Variants in PRELID3B observed in about 807,000 individuals in gnomAD.
PRELID3B encodes the protein PRELI domain containing protein 3B.
In PRELID3B, 15 loss-of-function variants were observed where a neutral mutation model predicts 24.0. The observed-to-expected ratio is 0.63, with a 90% CI of 0.42 to 0.96. The LOEUF (loss-of-function observed/expected upper bound fraction) is 0.96, where lower values mean the gene tolerates loss of function less well. Among genes scored for constraint, PRELID3B ranks in the 40% least tolerant of loss-of-function variants. PRELID3B has a pLI of 0.00. For synonymous variants in PRELID3B, 62 were observed against 76.0 expected, an observed-to-expected ratio of 0.82 and a Z score of 0.96; for missense variants, 189 against 236.0, an observed-to-expected ratio of 0.80 and a Z score of 1.30.
chr20:59,033,937 C>T lies in PRELID3B; in HGVS notation c.*1070G>A, dbSNP rs761389562. 17 of 152,282 alleles carry T rather than the reference C, an allele frequency of 1.1e-4. No homozygotes were observed. Among genetic ancestry groups the T allele is most frequent in the Non-Finnish European group, 1.9e-4 (13 of 68,014 alleles). 9.4% of individuals were successfully genotyped at this position (152,282 alleles called of 1,614,324 possible). On this transcript the variant is annotated 3_prime_UTR_variant, in exon 6 of 6. Coordinates refer to ENST00000355937, the MANE Select transcript of PRELID3B (RefSeq NM_016045.3). Reference sequence around the variant, plus strand: ...AATTCACTCAGTGGTTAGTTTCAGGCCAAGCCTCCCCCTACCATTATGCTT... The same window carrying T: ...AATTCACTCAGTGGTTAGTTTCAGGTCAAGCCTCCCCCTACCATTATGCTT...
chr20:59,038,330 T>A, intron 2 of PRELID3B, 136 bp downstream of exon 2: 1 of 645,282 alleles, frequency 1.5e-6, no homozygotes, highest in Non-Finnish European at 2.5e-6. Context: ...ATAATTCAAG[T>A]TTATTATAAT....
In PRELID3B at chr20:59,040,296, C is replaced by T. The variant is rs2092101828; in HGVS notation, c.33-1662G>A. Among the ~76,000 whole-genome samples, 1 of 152,174 alleles carries T rather than the reference C, an allele frequency of 6.6e-6. No individual in the cohort carries two copies. The highest frequency in any genetic ancestry group is 1.5e-5 in the Non-Finnish European group (1 of 68,032). On this transcript the variant is annotated intron_variant, in intron 1 of 5. Coordinates refer to ENST00000355937, the MANE Select transcript of PRELID3B (RefSeq NM_016045.3). This position sits in a 1 kb window ranked among gnomAD's most constrained non-coding sequence, Gnocchi z 4.1. ...CAGCAATTAATCTGAGCTGTATTAA[C>T]ATAATTACGTGGAAAAGATCTCACA... is the stretch of plus-strand genomic sequence containing the variant.
Position 59,034,875 on chromosome 20 carries a change from C to G in PRELID3B, c.*132G>C, listed in dbSNP as rs2092058817. ...ATCTGTTTTGATCAAGTCACATAGCCTTACACCAACTTATCAAAAAAAAAA... is the reference window on the plus strand; with the variant it reads ...ATCTGTTTTGATCAAGTCACATAGCGTTACACCAACTTATCAAAAAAAAAA... On this transcript the variant is annotated 3_prime_UTR_variant, in exon 6 of 6. Transcript: ENST00000355937. The G allele has an allele frequency of 3.9e-6, 3 of 769,194 alleles. No homozygotes were observed. The South Asian group carries it at 9.6e-5, about 25-fold the overall frequency. The allele number at this position is 769,194 out of a possible 1,614,324, so 47.6% of individuals were successfully genotyped here. A position where few individuals can be genotyped will look rare whatever the true frequency, so the allele number is the denominator to read the frequency against.
rs2092071755 is a variant in PRELID3B, at chr20:59,036,327, T to C, written c.465+144A>G. 11 of 631,324 alleles carry C rather than the reference T, an allele frequency of 1.7e-5. No individual in the cohort carries two copies. In the Admixed American group the frequency reaches 2.6e-4, roughly 15 times the overall value. The allele number at this position is 631,324 out of a possible 1,614,324, so 39.1% of individuals were successfully genotyped here. A position where few individuals can be genotyped will look rare whatever the true frequency, so the allele number is the denominator to read the frequency against. On this transcript the variant is annotated intron_variant, in intron 5 of 5. Coordinates refer to ENST00000355937, the MANE Select transcript of PRELID3B (RefSeq NM_016045.3). ...GAGCTTGGATGTGAACCCAGAGCCT[T>C]TGTAAGTAACTGCCCAACGTGCTGC...
In PRELID3B at chr20:59,035,632, G is replaced by A. The variant is rs562279081; in HGVS notation, c.466-506C>T. 4.6e-5 allele frequency among the ~76,000 whole-genome samples: 7 copies of A among 152,080 alleles called. No homozygotes were observed. The East Asian group carries it at 7.7e-4, about 17-fold the overall frequency. Reference sequence around the variant, plus strand: ...GAACACTCTTCTTGGAATACCCCTCGCAATCCACCTGCCCCCATTTGGCAG... The same window carrying A: ...GAACACTCTTCTTGGAATACCCCTCACAATCCACCTGCCCCCATTTGGCAG... On this transcript the variant is annotated intron_variant, in intron 5 of 5. Coordinates refer to ENST00000355937, the MANE Select transcript of PRELID3B (RefSeq NM_016045.3).
chr20:59,036,242 C>T (rs1001106539), intron 5 of PRELID3B, among the ~76,000 whole-genome samples: 15 of 152,134 alleles, frequency 9.9e-5, no homozygotes, highest in African/African-American at 1.9e-4. Flanking sequence ...ACTTTAAAAA[C>T]GGGAAACTGA....
chr20:59,036,895 A>T (rs1360502512), intron 3 of PRELID3B, 135 bp from the exon 4 acceptor site: 1 of 652,860 alleles, frequency 1.5e-6, no homozygotes, highest in Non-Finnish European at 2.6e-6. Context: ...ATTATTGCAT[A>T]AACTATTCAC....
intron 1 of PRELID3B, 94 bp from the exon 2 acceptor site, chr20:59,038,728 C>T: frequency 1.4e-6 from 2 of 1,418,168 alleles, no homozygotes; most frequent in Non-Finnish European, 1.9e-6. Context: ...TCAAATCATT[C>T]ATTACAATGT....
chr20:59,035,619 T>C (rs540583556), intron 5 of PRELID3B, among the ~76,000 whole-genome samples: 1 of 152,322 alleles, frequency 6.6e-6, no homozygotes, highest in Admixed American at 6.5e-5. Flanking sequence ...ACACTCTTCT[T>C]GGAATACCCC....
chr20:59,038,339 A>C, intron 2 of PRELID3B, 127 bp downstream of exon 2: 1 of 702,450 alleles, frequency 1.4e-6, no homozygotes, highest in Non-Finnish European at 2.2e-6. Context: ...GTTTATTATA[A>C]TACAACTTGA....
intron 1 of PRELID3B, among the ~76,000 whole-genome samples, chr20:59,039,980 C>T (rs1341317520): frequency 1.3e-5 from 2 of 152,192 alleles, no homozygotes; most frequent in Non-Finnish European, 2.9e-5. Context: ...AGCACTGATT[C>T]TTACCAAGGC....
chr20:59,038,649 C>CA lies in PRELID3B; in HGVS notation c.33-16dup, dbSNP rs61329417. ...CCCACGGGTGGCTGCCGATGTGAACCAAAAAAAAAAAAAAAAAAATTCAGA... is the reference window on the plus strand; with the variant it reads ...CCCACGGGTGGCTGCCGATGTGAACCAAAAAAAAAAAAAAAAAAAATTCAGA... On this transcript the variant is annotated splice_polypyrimidine_tract_variant and intron_variant, in intron 1 of 5. Transcript: ENST00000355937. 6,266 of 1,298,156 alleles carry CA rather than the reference C, an allele frequency of 4.8e-3. No individual in the cohort carries two copies. Among genetic ancestry groups the CA allele is most frequent in the Non-Finnish European group, 5.5e-3 (5,508 of 1,003,328 alleles). The allele number at this position is 1,298,156 out of a possible 1,614,324, so 80.4% of individuals were successfully genotyped here.
Position 59,035,082 on chromosome 20 carries a change from C to A in PRELID3B, c.510G>T (p.Glu170Asp), listed in dbSNP as rs1192014286. 9.9e-6 allele frequency: 16 copies of A among 1,613,724 alleles called. No individual in the cohort carries two copies. The highest frequency in any genetic ancestry group is 1.3e-5 in the Non-Finnish European group (15 of 1,179,916). The change falls in exon 6 of 6, where the codon GAG (glutamate) becomes GAT (aspartate). Residue 170 changes from glutamate (E) to aspartate (D), a missense_variant. Physicochemically the swap from Glu to Asp is conservative, Grantham distance 45. Transcript: ENST00000355937. ...TTGCTGAGGCTGTCAGTTCTTCAAT[C>A]TCAGCATTTAATTTATGTATTACCC... ...MEWVIHKLNA[E>D]IEELTASARG...
At position 59,039,281 on chromosome 20, in the gene PRELID3B, C is replaced by T. The variant is rs1230743920; in HGVS notation, c.33-647G>A. Among the ~76,000 whole-genome samples, 4 of 152,282 alleles carry T rather than the reference C, an allele frequency of 2.6e-5. No homozygotes were observed. The East Asian group carries it at 7.7e-4, about 29-fold the overall frequency. On this transcript the variant is annotated intron_variant, in intron 1 of 5. Coordinates refer to ENST00000355937, the MANE Select transcript of PRELID3B (RefSeq NM_016045.3). ...AATAAAATGTCCTTAAGGTGCACTC[C>T]TAATATACTATTTTCTAATATTCTC...
At chr20:59,036,668 T>A in intron 4 of PRELID3B, 22 bp downstream of exon 4, 1 of 1,588,104 alleles carries the variant, frequency 6.3e-7, no homozygotes, top group Non-Finnish European at 8.6e-7. Context: ...ACGATACATT[T>A]GTTAAAATAT....
At chr20:59,036,332 A>T (rs2092071830) in intron 5 of PRELID3B, 139 bp downstream of exon 5, 1 of 642,066 alleles carries the variant, frequency 1.6e-6, no homozygotes, top group Admixed American at 2.8e-5. Context: ...AGCCTTTGTA[A>T]GTAACTGCCC....
Position 59,040,212 on chromosome 20 carries a change from G to C in PRELID3B, c.33-1578C>G, listed in dbSNP as rs894982887. On this transcript the variant is annotated intron_variant, in intron 1 of 5. Transcript: ENST00000355937. This position sits in a 1 kb window ranked among gnomAD's most constrained non-coding sequence, Gnocchi z 4.1. ...TGTTGACTTAGCTTGGCTCAAGATT[G>C]CTTTATGAACCATAACCAGCTCAAA... Among the ~76,000 whole-genome samples the C allele has an allele frequency of 1.3e-5, 2 of 152,218 alleles. No individual in the cohort carries two copies. The highest frequency in any genetic ancestry group is 4.8e-5 in the African/African-American group (2 of 41,440).
At chr20:59,039,735 A>G (rs2092098293) in intron 1 of PRELID3B, among the ~76,000 whole-genome samples, 1 of 152,242 alleles carries the variant, frequency 6.6e-6, no homozygotes, top group African/African-American at 2.4e-5. Flanking sequence ...TCAGATTGAC[A>G]ACTACATCTC....
At position 59,036,705 on chromosome 20, in the gene PRELID3B, G is replaced by A; in HGVS notation, c.347C>T (p.Pro116Leu). 6.2e-7 allele frequency: 1 copy of A among 1,602,718 alleles called. No homozygotes were observed. The highest frequency in any genetic ancestry group is 1.3e-5 in the African/African-American group (1 of 74,602). The change falls in exon 4 of 6, where the codon CCT becomes CTT. Residue 116 changes from proline to leucine, a missense_variant. Coordinates refer to ENST00000355937, the MANE Select transcript of PRELID3B (RefSeq NM_016045.3). ...VDERLIYKPH[P>L]QDPEKTVLTQ... is the part of the protein sequence containing the mutation. ...TTTTACTCACTTTTCTGGATCCTGAGGATGTGGTTTGTATATAAGTCTCTC... is the reference window on the plus strand; with the variant it reads ...TTTTACTCACTTTTCTGGATCCTGAAGATGTGGTTTGTATATAAGTCTCTC...
Sources: allele counts gnomAD v4.1 joint callset (sites outside exome capture counted in the v4.1 genomes callset), GRCh38; gene constraint gnomAD v4.1.1; non-coding constraint Gnocchi (gnomAD v3.1); transcripts MANE v1.5; gene names NCBI Gene and HGNC (gene_info 2026-07-23, HGNC 2026-07-21).